The following CCNY variants were observed in gnomAD, a reference collection of about 807,000 sequenced individuals.
CCNY encodes the protein cyclin Y, also known as cyclin-Y.
Under a neutral mutation model 42.8 loss-of-function variants are expected in CCNY, and 19 were observed. The observed-to-expected ratio is 0.44, with a 90% CI of 0.31 to 0.65. The LOEUF is 0.65. CCNY is among the 30% of genes least tolerant of loss of function. The pLI is 0.07. For synonymous variants in CCNY, 165 were observed against 162.7 expected, an observed-to-expected ratio of 1.01 and a Z score of -0.11; for missense variants, 370 against 437.3, an observed-to-expected ratio of 0.85 and a Z score of 1.37.
chr10:35,501,140 G>A (rs889330453), intron 2 of CCNY, among the ~76,000 whole-genome samples: 31 of 152,146 alleles, frequency 2.0e-4, no homozygotes, highest in African/African-American at 7.0e-4. Flanking sequence ...GTAGGGTTGG[G>A]AATAAATAGT....
At chr10:35,398,962 C>G (rs113133288) in intron 1 of CCNY, among the ~76,000 whole-genome samples, 1 of 152,194 alleles carries the variant, frequency 6.6e-6, no homozygotes, top group African/African-American at 2.4e-5. Flanking sequence ...AGACATACGC[C>G]GTGCTTGCTT....
At chr10:35,296,538 G>T (rs1340044566) in intron 3 of CCNY, among the ~76,000 whole-genome samples, 2 of 152,178 alleles carry the variant, frequency 1.3e-5, no homozygotes, top group Middle Eastern at 3.4e-3. Context: ...CCAAGATCAC[G>T]TCACAGCACT....
chr10:35,568,915 G>A, intron 9 of CCNY, 139 bp from the exon 10 acceptor site: 1 of 659,348 alleles, frequency 1.5e-6, no homozygotes, highest in Non-Finnish European at 2.7e-6. Context: ...TGCCAGCAGA[G>A]AGCTGGGCTC....
At chr10:35,469,956 ATGGAGAGACAGACAGGGAGATAGGGCAG>A (rs1839355122) in intron 1 of CCNY, among the ~76,000 whole-genome samples, 1 of 143,212 alleles carries the variant, frequency 7.0e-6, no homozygotes, top group African/African-American at 2.5e-5. Context: ...AGACAGGGAG[ATGGAGAGACAGACAGGGAGATAGGGCAG>A]TGGAGAGACA....
At chr10:35,330,353 C>T (rs1026366213) in intron 3 of CCNY, among the ~76,000 whole-genome samples, 3 of 152,154 alleles carry the variant, frequency 2.0e-5, no homozygotes, top group African/African-American at 7.2e-5. Flanking sequence ...CTACCTATAC[C>T]GTATCTTGGC....
At chr10:35,473,232 C>T (rs986150943) in intron 1 of CCNY, among the ~76,000 whole-genome samples, 4 of 152,208 alleles carry the variant, frequency 2.6e-5, no homozygotes, top group Non-Finnish European at 4.4e-5. Flanking sequence ...TCTGTCCCTC[C>T]CGGAGGCCGG....
At chr10:35,330,027 C>T (rs1179593995) in intron 3 of CCNY, among the ~76,000 whole-genome samples, 2 of 152,220 alleles carry the variant, frequency 1.3e-5, no homozygotes, top group East Asian at 1.9e-4. Flanking sequence ...AACTCATCAA[C>T]TATCCCTGTT....
At chr10:35,479,536 C>T (rs1389937625) in intron 1 of CCNY, among the ~76,000 whole-genome samples, 2 of 134,366 alleles carry the variant, frequency 1.5e-5, no homozygotes, top group Admixed American at 1.7e-4. Flanking sequence ...TATTCTCACT[C>T]ATAGGTGGGA....
chr10:35,449,484 TGGAGCACGCAGGAGCCTGGCTGAACA>T (rs1838868148), intron 1 of CCNY, among the ~76,000 whole-genome samples: 2 of 151,894 alleles, frequency 1.3e-5, no homozygotes, highest in African/African-American at 4.8e-5. Flanking sequence ...GAGGAGGAAC[TGGAGCACGCAGGAGCCTGGCTGAACA>T]GGAAGCAAAG....
At chr10:35,471,712 A>C (rs775670004) in intron 1 of CCNY, among the ~76,000 whole-genome samples, 13 of 152,228 alleles carry the variant, frequency 8.5e-5, no homozygotes, top group Non-Finnish European at 1.8e-4. Context: ...GGAGGCCCTT[A>C]GAATAACCAT....
chr10:35,444,293 G>A (rs895432797), intron 1 of CCNY, among the ~76,000 whole-genome samples: 4 of 149,358 alleles, frequency 2.7e-5, no homozygotes, highest in Admixed American at 6.7e-5. Context: ...CTGCCATCCA[G>A]GCTGGAGTGC....
At chr10:35,375,378 C>T (rs1159825089) in intron 1 of CCNY, among the ~76,000 whole-genome samples, 1 of 152,210 alleles carries the variant, frequency 6.6e-6, no homozygotes, top group Non-Finnish European at 1.5e-5. Flanking sequence ...CATCTTCTCT[C>T]TCTGGCTCTC....
chr10:35,538,651 C>CG (rs1399360546), intron 7 of CCNY, among the ~76,000 whole-genome samples: 1 of 152,142 alleles, frequency 6.6e-6, no homozygotes, highest in African/African-American at 2.4e-5. Flanking sequence ...ATTTTAAGAA[C>CG]GGGTTGTCTT....
intron 1 of CCNY, among the ~76,000 whole-genome samples, chr10:35,357,297 C>T (rs1324959171): frequency 6.9e-6 from 1 of 145,048 alleles, no homozygotes; most frequent in African/African-American, 2.5e-5. Context: ...GCTTGTGTTT[C>T]CCCCACTCCC....
At chr10:35,472,672 C>T (rs758597400) in intron 1 of CCNY, among the ~76,000 whole-genome samples, 7 of 152,232 alleles carry the variant, frequency 4.6e-5, no homozygotes, top group Admixed American at 1.3e-4. Context: ...AGTATATACT[C>T]GTGACATCTA....
At chr10:35,459,008 T>G (rs550129998) in intron 1 of CCNY, among the ~76,000 whole-genome samples, 1 of 152,306 alleles carries the variant, frequency 6.6e-6, no homozygotes, top group East Asian at 1.9e-4. Context: ...TTCTATCAGC[T>G]GAGGACCTCA....
intron 7 of CCNY, among the ~76,000 whole-genome samples, chr10:35,543,470 G>C (rs1183427244): frequency 6.6e-6 from 1 of 152,204 alleles, no homozygotes; most frequent in Non-Finnish European, 1.5e-5. Context: ...GAAGATTATA[G>C]TGGAGCTCAG....
intron 1 of CCNY, among the ~76,000 whole-genome samples, chr10:35,472,299 C>G (rs1328176518): frequency 6.6e-6 from 1 of 152,192 alleles, no homozygotes; most frequent in African/African-American, 2.4e-5. Context: ...GAATTCAAAT[C>G]TGGATCTTTT....
intron 1 of CCNY, among the ~76,000 whole-genome samples, chr10:35,440,632 G>A (rs949024236): frequency 6.6e-6 from 1 of 152,116 alleles, no homozygotes; most frequent in Non-Finnish European, 1.5e-5. Context: ...ACCCCTGTCC[G>A]GGGCACAGCT....
Sources: gnomAD v4.1 joint callset for allele counts (sites outside exome capture counted in the v4.1 genomes callset) on GRCh38, gnomAD v4.1.1 for gene constraint, MANE v1.5 for transcripts, NCBI Gene and HGNC (gene_info 2026-07-23, HGNC 2026-07-21) for gene names.